Variants in ZYG11B observed in about 807,000 individuals in gnomAD.
ZYG11B encodes zyg-11 family member B, cell cycle regulator.
In ZYG11B, 36 loss-of-function variants were observed where a neutral mutation model predicts 82.4. The ratio of observed to expected loss-of-function variants is 0.44; its 90% CI spans 0.33 to 0.58. The LOEUF (loss-of-function observed/expected upper bound fraction) is 0.58, where lower values mean the gene tolerates loss of function less well. ZYG11B is among the 20% of genes least tolerant of loss of function. ZYG11B has a pLI of 0.02. For synonymous variants in ZYG11B, 303 were observed against 312.8 expected, an observed-to-expected ratio of 0.97 and a Z score of 0.33; for missense variants, 552 against 895.6, an observed-to-expected ratio of 0.62 and a Z score of 4.90.
At chr1:52,786,889 G>C (rs563193128) in intron 5 of ZYG11B, among the ~76,000 whole-genome samples, 1 of 152,286 alleles carries the variant, frequency 6.6e-6, no homozygotes, top group Non-Finnish European at 1.5e-5. Context: ...TCAGGAGTTT[G>C]AGACCAGCCT....
At chr1:52,750,236 T>C (rs1177111617) in intron 1 of ZYG11B, among the ~76,000 whole-genome samples, 3 of 151,746 alleles carry the variant, frequency 2.0e-5, no homozygotes, top group South Asian at 2.1e-4. Flanking sequence ...ATGCTGGGCT[T>C]GCAAGTGTGA....
intron 10 of ZYG11B, among the ~76,000 whole-genome samples, chr1:52,803,006 C>T (rs192878730): frequency 1.4e-5 from 2 of 141,070 alleles, no homozygotes; most frequent in East Asian, 4.3e-4. Context: ...GGCAACAGAG[C>T]AAGACTCCGT....
intron 3 of ZYG11B, among the ~76,000 whole-genome samples, chr1:52,774,152 T>C (rs961823086): frequency 2.8e-5 from 4 of 144,486 alleles, no homozygotes; most frequent in African/African-American, 5.2e-5. Flanking sequence ...TTTTTTTTTT[T>C]CCTCAGAGGC....
At chr1:52,789,980 T>C in intron 5 of ZYG11B, 23 bp from the exon 6 acceptor site, 1 of 1,547,152 alleles carries the variant, frequency 6.5e-7, no homozygotes, top group Middle Eastern at 1.7e-4. Flanking sequence ...ATTTAGGATT[T>C]TTTTCTTCCT....
intron 1 of ZYG11B, among the ~76,000 whole-genome samples, chr1:52,729,412 A>G (rs1644311496): frequency 6.6e-6 from 1 of 152,242 alleles, no homozygotes; most frequent in South Asian, 2.1e-4. Flanking sequence ...GTTAAAACAT[A>G]TACACACAGA....
Position 52,821,421 on chromosome 1 carries a change from T to TG in ZYG11B, c.2045-18_2045-17insG, listed in dbSNP as rs1645282757. ...AGCTATTTCTCCTGTTTTGTGTGTG[T>TG]TTTTTTTTCTTTTTCAGCTTCAAGG... is the stretch of plus-strand genomic sequence containing the variant. On this transcript the variant is annotated splice_polypyrimidine_tract_variant and intron_variant, in intron 13 of 13. Transcript: ENST00000294353. 3.3e-6 allele frequency: 5 copies of TG among 1,513,606 alleles called. No homozygotes were observed. Among genetic ancestry groups the TG allele is most frequent in the Non-Finnish European group, 4.4e-6 (5 of 1,126,420 alleles). 93.8% of individuals were successfully genotyped at this position (1,513,606 alleles called of 1,614,324 possible).
At position 52,824,088 on chromosome 1, in the gene ZYG11B, G is replaced by A. The variant is rs1645305931; in HGVS notation, c.*2459G>A. ...GGAAGTGGAGGTTGCAGTGAGCTAA[G>A]ATCGTGCCACTGCACTCCAGCCTGG... On this transcript the variant is annotated 3_prime_UTR_variant, in exon 14 of 14. Coordinates refer to ENST00000294353, the MANE Select transcript of ZYG11B (RefSeq NM_024646.3). 6.6e-6 allele frequency: 1 copy of A among 152,132 alleles called. No individual in the cohort carries two copies. The highest frequency in any genetic ancestry group is 6.6e-5 in the Admixed American group (1 of 15,266). The allele number at this position is 152,132 out of a possible 1,614,324, so 9.4% of individuals were successfully genotyped here. A position where few individuals can be genotyped will look rare whatever the true frequency, so the allele number is the denominator to read the frequency against.
chr1:52,757,664 G>T (rs767402339), intron 2 of ZYG11B, among the ~76,000 whole-genome samples: 23 of 152,030 alleles, frequency 1.5e-4, no homozygotes, highest in Non-Finnish European at 3.2e-4. Flanking sequence ...GACAGAGCAA[G>T]ACTCTGTCTC....
At chr1:52,742,841 C>CAA (rs746756692) in intron 1 of ZYG11B, among the ~76,000 whole-genome samples, 1,915 of 100,072 alleles carry the variant, frequency 0.019, 31 homozygotes, top group Middle Eastern at 0.082. Flanking sequence ...GCCTCCGTCT[C>CAA]AAAAAAAAAA....
At chr1:52,816,208 A>C (rs1645222578) in intron 12 of ZYG11B, among the ~76,000 whole-genome samples, 1 of 152,096 alleles carries the variant, frequency 6.6e-6, no homozygotes, top group Non-Finnish European at 1.5e-5. Context: ...GTTAGTTATC[A>C]CCTAATTTCT....
intron 3 of ZYG11B, among the ~76,000 whole-genome samples, chr1:52,776,229 A>AAAAATATATATATATATATATATAT: frequency 3.4e-4 from 8 of 23,538 alleles, no homozygotes; most frequent in Non-Finnish European, 6.9e-4. Context: ...TAAAAAAAAA[A>AAAAATATATATATATATATATATAT]ATATATATAT....
intron 3 of ZYG11B, chr1:52,772,215 TG>T: frequency 6.9e-7 from 1 of 1,448,824 alleles, no homozygotes; most frequent in Non-Finnish European, 9.7e-7. Context: ...GGGCAGAGGC[TG>T]TAGATGATTC....
In ZYG11B at chr1:52,790,062, T is replaced by A; in HGVS notation, c.1329T>A (p.Phe443Leu). ...CSDRILQDVP[F>L]NRFEAAKLVM... ...ACCGGATCCTTCAAGATGTTCCATTTAACAGGCAAGTGATAGCTCTAGAAC... is the reference window on the plus strand; with the variant it reads ...ACCGGATCCTTCAAGATGTTCCATTAAACAGGCAAGTGATAGCTCTAGAAC... Residue 443 changes from phenylalanine to leucine, a missense_variant, in exon 6 of 14, where the codon TTT becomes TTA. Phe to Leu is a conservative substitution (Grantham distance 22, BLOSUM62 0). Transcript: ENST00000294353. The A allele has an allele frequency of 6.3e-7, 1 of 1,593,332 alleles. No homozygotes were observed. The highest frequency in any genetic ancestry group is 8.6e-7 in the Non-Finnish European group (1 of 1,167,598).
chr1:52,770,090 A>AT (rs1398657976), intron 2 of ZYG11B, among the ~76,000 whole-genome samples: 2,051 of 70,954 alleles, frequency 0.029, 24 homozygotes, highest in East Asian at 0.055. Context: ...ATATATATAT[A>AT]TATTTTTTTT....
chr1:52,792,419 C>T (rs1644967427), intron 6 of ZYG11B, among the ~76,000 whole-genome samples: 1 of 152,166 alleles, frequency 6.6e-6, no homozygotes, highest in Non-Finnish European at 1.5e-5. Flanking sequence ...GCACTTACTA[C>T]TGCCAGGCAG....
intron 8 of ZYG11B, among the ~76,000 whole-genome samples, chr1:52,799,051 A>G (rs957903248): frequency 1.3e-5 from 2 of 152,106 alleles, no homozygotes; most frequent in African/African-American, 4.8e-5. Flanking sequence ...ATGTTAGGGA[A>G]TTTACACTGA....
intron 1 of ZYG11B, among the ~76,000 whole-genome samples, chr1:52,748,734 C>T (rs761550611): frequency 2.0e-5 from 3 of 151,896 alleles, no homozygotes; most frequent in Admixed American, 6.6e-5. Flanking sequence ...GTGGTGCACG[C>T]GCCTGTAATC....
chr1:52,813,862 T>C lies in ZYG11B; in HGVS notation c.1896T>C (p.His632=), dbSNP rs1342829272. Residue 632 remains histidine, a splice_region_variant and synonymous_variant, in exon 12 of 14, where the codon CAT becomes CAC. Transcript: ENST00000294353. The part of the protein sequence containing the change: ...SQRNSLLDDL[H]SAILKWPTPE... Reference sequence around the variant, plus strand: ...CTTGTGTGTCTTTTGTCTTCCAGCATTCAGCTATTTTGAAATGGCCAACTC... The same window carrying C: ...CTTGTGTGTCTTTTGTCTTCCAGCACTCAGCTATTTTGAAATGGCCAACTC... 2 of 1,614,132 alleles carry C rather than the reference T, an allele frequency of 1.2e-6. No homozygotes were observed. Among genetic ancestry groups the C allele is most frequent in the Admixed American group, 3.3e-5 (2 of 60,006 alleles).
At chr1:52,726,827 C>T in intron 1 of ZYG11B, 144 bp downstream of exon 1, 3 of 759,932 alleles carry the variant, frequency 3.9e-6, no homozygotes, top group Non-Finnish European at 5.7e-6. Context: ...GTTACCGCCC[C>T]CTCGGTGTTC....
Sources: allele counts gnomAD v4.1 joint callset (sites outside exome capture counted in the v4.1 genomes callset), GRCh38; gene constraint gnomAD v4.1.1; transcripts MANE v1.5; gene names NCBI Gene and HGNC (gene_info 2026-07-23, HGNC 2026-07-21).